The following BABAM2 variants were observed in gnomAD, a reference collection of about 807,000 sequenced individuals.
BABAM2 encodes BRISC and BRCA1 A complex member 2.
A neutral mutation model predicts 54.7 loss-of-function variants in BABAM2; 31 were observed. The ratio of observed to expected loss-of-function variants is 0.57; its 90% confidence interval spans 0.43 to 0.77. The LOEUF is 0.77. Ranked by LOEUF, BABAM2 falls within the 30% of genes least tolerant of loss-of-function variation. The pLI is 0.00. For synonymous variants in BABAM2, 167 were observed against 162.9 expected, an observed-to-expected ratio of 1.03 and a Z score of -0.19; for missense variants, 364 against 455.8, an observed-to-expected ratio of 0.80 and a Z score of 1.83.
intron 7 of BABAM2, among the ~76,000 whole-genome samples, chr2:28,133,504 C>T (rs1322047372): frequency 6.6e-6 from 1 of 152,190 alleles, no homozygotes; most frequent in Non-Finnish European, 1.5e-5. Flanking sequence ...GTGCATTTGA[C>T]AGGGAGAGGC....
intron 8 of BABAM2, among the ~76,000 whole-genome samples, chr2:28,240,870 C>CAAAAAAA (rs56247120): frequency 1.8e-5 from 2 of 109,156 alleles, no homozygotes; most frequent in African/African-American, 3.3e-5. Context: ...GACTCTGTCT[C>CAAAAAAA]AAAAAAAAAA....
chr2:28,193,032 G>A lies in BABAM2; in HGVS notation c.681-44170G>A, dbSNP rs544264279. The stretch of plus-strand genomic sequence containing the variant: ...ACTAAAAATACAAAAAAAGTAGCTG[G>A]GCGTGGTGGTGCGCACCTGTAATCC... On this transcript the variant is annotated intron_variant, in intron 7 of 11. Coordinates refer to ENST00000379624, the MANE Select transcript of BABAM2 (RefSeq NM_199191.3). 1.0e-3 allele frequency among the ~76,000 whole-genome samples: 157 copies of A among 151,904 alleles called. 2 individuals carry two copies. The highest frequency in any genetic ancestry group is 3.7e-3 in the African/African-American group (152 of 41,426).
At chr2:28,117,288 A>G (rs1668692231) in intron 6 of BABAM2, among the ~76,000 whole-genome samples, 3 of 152,228 alleles carry the variant, frequency 2.0e-5, no homozygotes, top group Admixed American at 6.5e-5. Flanking sequence ...TAAGTATTCA[A>G]ATAACCCAGA....
Position 28,322,296 on chromosome 2 carries a change from G to A in BABAM2, c.1089-16154G>A, listed in dbSNP as rs2148311993. ...ATGAGCCACCAAGCTCCGCCCAAGGGTGACCACAGAAGTAGACAACTTACG... is the reference window on the plus strand; with the variant it reads ...ATGAGCCACCAAGCTCCGCCCAAGGATGACCACAGAAGTAGACAACTTACG... On this transcript the variant is annotated intron_variant, in intron 11 of 11. Transcript: ENST00000379624. This position sits in a 1 kb window ranked among gnomAD's most constrained non-coding sequence, Gnocchi z 4.1. 6.6e-6 allele frequency among the ~76,000 whole-genome samples: 1 copy of A among 152,258 alleles called. No homozygotes were observed. The highest frequency in any genetic ancestry group is 1.9e-4 in the East Asian group (1 of 5,178).
At chr2:28,161,762 G>T (rs1006454835) in intron 7 of BABAM2, among the ~76,000 whole-genome samples, 6 of 152,122 alleles carry the variant, frequency 3.9e-5, no homozygotes, top group African/African-American at 1.4e-4. Flanking sequence ...GTCTTGCACA[G>T]CAGTTACTTA....
intron 4 of BABAM2, among the ~76,000 whole-genome samples, chr2:28,000,426 G>T (rs1673497727): frequency 6.6e-6 from 1 of 152,032 alleles, no homozygotes; most frequent in African/African-American, 2.4e-5. Flanking sequence ...GACTTCAGAG[G>T]TACAAATCCA....
rs563812753 is a variant in BABAM2 at position 28,203,268 on chromosome 2, G to A, written c.681-33934G>A. Among the ~76,000 whole-genome samples the A allele has an allele frequency of 1.1e-4, 17 of 152,236 alleles. 1 individual carries two copies. Among genetic ancestry groups the A allele is most frequent in the South Asian group, 6.2e-4 (3 of 4,822 alleles). ...CACTTTACTGCTGAGAAACAGTTGC[G>A]ATCTTCTCTAGTAGTTAGAAAACTC... On this transcript the variant is annotated intron_variant, in intron 7 of 11. Transcript: ENST00000379624.
At position 28,275,601 on chromosome 2, in the gene BABAM2, G is replaced by A. The variant is rs576468698; in HGVS notation, c.935-22737G>A. ...GTTGTGTGTCTAGAGAATTCAGGGT[G>A]TGGTGAGTGATCAGCTCCTGGAAGA... On this transcript the variant is annotated intron_variant, in intron 10 of 11. Coordinates refer to ENST00000379624, the MANE Select transcript of BABAM2 (RefSeq NM_199191.3). 5.9e-5 allele frequency among the ~76,000 whole-genome samples: 9 copies of A among 152,282 alleles called. No homozygotes were observed. In the South Asian group the frequency reaches 1.2e-3, roughly 21 times the overall value.
chr2:28,281,788 G>A (rs565057713), intron 10 of BABAM2, among the ~76,000 whole-genome samples: 6 of 152,312 alleles, frequency 3.9e-5, no homozygotes, highest in African/African-American at 1.2e-4. Flanking sequence ...GAGTTTCAGC[G>A]TTCTTGTCTG....
intron 3 of BABAM2, among the ~76,000 whole-genome samples, chr2:27,948,336 C>CT (rs570637627): frequency 5.7e-4 from 86 of 151,678 alleles, no homozygotes; most frequent in Non-Finnish European, 1.1e-3. Context: ...AGAAGTTTGT[C>CT]TGTAGACTCC....
chr2:27,965,549 C>G (rs1191628552), intron 3 of BABAM2, among the ~76,000 whole-genome samples: 8 of 152,066 alleles, frequency 5.3e-5, no homozygotes, highest in Admixed American at 3.9e-4. Flanking sequence ...GCTATGGACT[C>G]TCTTTGTAAA....
intron 10 of BABAM2, among the ~76,000 whole-genome samples, chr2:28,265,617 T>C (rs757655538): frequency 3.3e-5 from 5 of 152,084 alleles, no homozygotes; most frequent in Non-Finnish European, 7.4e-5. Flanking sequence ...TACAGTCCTA[T>C]TCATACACAT....
intron 7 of BABAM2, among the ~76,000 whole-genome samples, chr2:28,207,027 G>A (rs1334272919): frequency 6.6e-6 from 1 of 152,174 alleles, no homozygotes; most frequent in African/African-American, 2.4e-5. Flanking sequence ...TCCCTGTGAG[G>A]TAGGTACTGT....
At chr2:28,063,395 A>G (rs1042553348) in intron 6 of BABAM2, among the ~76,000 whole-genome samples, 2 of 152,256 alleles carry the variant, frequency 1.3e-5, no homozygotes, top group African/African-American at 4.8e-5. Context: ...AACGCATTAT[A>G]CTCAAAATAT....
intron 6 of BABAM2, among the ~76,000 whole-genome samples, chr2:28,119,971 G>A (rs1463248923): frequency 6.6e-6 from 1 of 152,126 alleles, no homozygotes; most frequent in Admixed American, 6.5e-5. Context: ...CATTATTACA[G>A]GAAGGTTGAT....
chr2:28,237,984 G>A (rs1378581090), intron 8 of BABAM2, among the ~76,000 whole-genome samples: 1 of 152,036 alleles, frequency 6.6e-6, no homozygotes, highest in Non-Finnish European at 1.5e-5. Flanking sequence ...TGAGTAGCTG[G>A]GATTACAGAC....
At chr2:28,265,768 G>C (rs1343729690) in intron 10 of BABAM2, among the ~76,000 whole-genome samples, 1 of 151,788 alleles carries the variant, frequency 6.6e-6, no homozygotes, top group Non-Finnish European at 1.5e-5. Flanking sequence ...CAAAACATAG[G>C]GACTCTCTCT....
chr2:28,115,778 G>A (rs1668562928), intron 6 of BABAM2, among the ~76,000 whole-genome samples: 2 of 151,964 alleles, frequency 1.3e-5, no homozygotes, highest in African/African-American at 2.4e-5. Context: ...ATGGAGTGTG[G>A]GAACCTGCAG....
At chr2:27,920,190 A>AT (rs1461245329) in intron 2 of BABAM2, among the ~76,000 whole-genome samples, 1 of 152,048 alleles carries the variant, frequency 6.6e-6, no homozygotes, top group Non-Finnish European at 1.5e-5. Context: ...TCTTTTACCG[A>AT]TTTTAATTTG....
Sources: gnomAD v4.1 joint callset for allele counts (sites outside exome capture counted in the v4.1 genomes callset) on GRCh38, gnomAD v4.1.1 for gene constraint, Gnocchi (gnomAD v3.1) non-coding constraint, MANE v1.5 for transcripts, NCBI Gene and HGNC (gene_info 2026-07-23, HGNC 2026-07-21) for gene names.